Variants in STARD13 observed in about 807,000 individuals in gnomAD.
STARD13 encodes StAR related lipid transfer domain containing 13.
A neutral mutation model predicts 106.4 loss-of-function variants in STARD13; 62 were observed. The observed-to-expected ratio is 0.58, with a 90% CI of 0.48 to 0.72. The LOEUF (loss-of-function observed/expected upper bound fraction) is 0.72, where lower values mean the gene tolerates loss of function less well. Among genes scored for constraint, STARD13 ranks in the 30% least tolerant of loss-of-function variants. The probability of loss-of-function intolerance (pLI) is 0.00; values close to 1 mark genes in which losing one functional copy is unlikely to be tolerated. For missense variants in STARD13, 1,387 were observed against 1,424.0 expected, an observed-to-expected ratio of 0.97 and a Z score of 0.42; for synonymous variants, 565 against 553.0, an observed-to-expected ratio of 1.02 and a Z score of -0.31.
the STARD13 span, among the ~76,000 whole-genome samples, chr13:33,418,777 A>G: frequency 6.6e-6 from 1 of 152,232 alleles, no homozygotes. Flanking sequence ...CTCTTCTGCA[A>G]TATTTGCTGT....
chr13:33,141,316 G>A (rs572696715), intron 4 of STARD13, among the ~76,000 whole-genome samples: 19 of 152,210 alleles, frequency 1.2e-4, no homozygotes, highest in Non-Finnish European at 2.5e-4. Flanking sequence ...CAATGACCTA[G>A]CCTGTTCAAG....
chr13:33,223,874 T>G (rs1328031314), intron 1 of STARD13, among the ~76,000 whole-genome samples: 1 of 152,182 alleles, frequency 6.6e-6, no homozygotes, highest in African/African-American at 2.4e-5. Flanking sequence ...AGTTCACACA[T>G]GTAAGCACTT....
chr13:33,478,323 C>T, the STARD13 span, among the ~76,000 whole-genome samples: 2 of 152,158 alleles, frequency 1.3e-5, no homozygotes, highest in Admixed American at 6.5e-5. Context: ...TATTGTTTTT[C>T]CTGATACCTG....
the STARD13 span, among the ~76,000 whole-genome samples, chr13:33,379,574 C>A: frequency 1.3e-5 from 2 of 152,124 alleles, no homozygotes; most frequent in African/African-American, 2.4e-5. Context: ...ACTGGGAAGG[C>A]ATGAGAAAGA....
At chr13:33,215,156 G>A (rs1887969284) in intron 1 of STARD13, among the ~76,000 whole-genome samples, 1 of 149,770 alleles carries the variant, frequency 6.7e-6, no homozygotes, top group South Asian at 2.1e-4. Flanking sequence ...ACCTCTCACT[G>A]AGCCTGCTAG....
chr13:33,257,298 G>C (rs1890412619), intron 1 of STARD13, among the ~76,000 whole-genome samples: 1 of 152,194 alleles, frequency 6.6e-6, no homozygotes, highest in Non-Finnish European at 1.5e-5. Context: ...AAGGACATCA[G>C]TAAAAATAGT....
In STARD13 at chr13:33,130,052, G is replaced by C. The variant is rs768133626; in HGVS notation, c.625C>G (p.Arg209Gly). 6.2e-7 allele frequency: 1 copy of C among 1,613,710 alleles called. No homozygotes were observed. The highest frequency in any genetic ancestry group is 1.3e-5 in the African/African-American group (1 of 75,034). Reference protein sequence around the residue: ...HSESSGGSDSRSQPGQCCTDN... With the variant: ...HSESSGGSDSGSQPGQCCTDN... Reference sequence around the variant, plus strand: ...GTACAGCACTGGCCCGGCTGGCTGCGACTGTCGCTGCCTCCACTGCTTTCG... The same window carrying C: ...GTACAGCACTGGCCCGGCTGGCTGCCACTGTCGCTGCCTCCACTGCTTTCG... The change falls in exon 5 of 14, where the codon CGC (arginine) becomes GGC (glycine). Residue 209 changes from arginine to glycine, a missense_variant. By Grantham distance (125) the Arg-to-Gly change is moderately radical. Transcript: ENST00000336934. This position sits in a 1 kb window ranked among gnomAD's most constrained non-coding sequence, Gnocchi z 4.1.
chr13:33,528,231 T>TATATATATATAC, the STARD13 span, among the ~76,000 whole-genome samples: 39 of 130,698 alleles, frequency 3.0e-4, no homozygotes, highest in African/African-American at 1.3e-3. Context: ...TGTGTGTATA[T>TATATATATATAC]ATATATATAT....
chr13:33,289,089 A>G (rs1892188951), upstream of STARD13, among the ~76,000 whole-genome samples: 2 of 152,178 alleles, frequency 1.3e-5, no homozygotes, highest in Non-Finnish European at 2.9e-5. Flanking sequence ...CAGTGAGTGC[A>G]TGAAGTCCTA....
chr13:33,557,250 G>T, the STARD13 span, among the ~76,000 whole-genome samples: 4 of 151,472 alleles, frequency 2.6e-5, no homozygotes, highest in African/African-American at 9.7e-5. Flanking sequence ...ATAATGTGTT[G>T]CTTTTGTTTC....
the STARD13 span, among the ~76,000 whole-genome samples, chr13:33,501,581 C>A: frequency 6.6e-6 from 1 of 152,114 alleles, no homozygotes; most frequent in Non-Finnish European, 1.5e-5. Context: ...AGGAAGGGAT[C>A]CAGTTTTAGC....
the STARD13 span, among the ~76,000 whole-genome samples, chr13:33,623,431 A>T: frequency 9.4e-6 from 1 of 106,198 alleles, no homozygotes; most frequent in Admixed American, 9.3e-5. Context: ...AATAAAGTAA[A>T]AAAAAAAAAA....
chr13:33,495,342 T>C, the STARD13 span, among the ~76,000 whole-genome samples: 6 of 152,320 alleles, frequency 3.9e-5, no homozygotes, highest in East Asian at 9.6e-4. Context: ...ATTTTGAACT[T>C]GTCTTTTACA....
chr13:33,479,645 G>A, the STARD13 span, among the ~76,000 whole-genome samples: 6 of 152,172 alleles, frequency 3.9e-5, no homozygotes, highest in Admixed American at 1.3e-4. Flanking sequence ...ATGTGTCCTC[G>A]CCCAGATCTC....
intron 12 of STARD13, among the ~76,000 whole-genome samples, chr13:33,109,567 C>A (rs1874223001): frequency 6.6e-6 from 1 of 152,204 alleles, no homozygotes; most frequent in Non-Finnish European, 1.5e-5. Context: ...TGCAACCGGA[C>A]AAACAGCAGC....
chr13:33,198,652 C>T (rs1293953648), intron 1 of STARD13, among the ~76,000 whole-genome samples: 1 of 152,050 alleles, frequency 6.6e-6, no homozygotes, highest in Non-Finnish European at 1.5e-5. Context: ...CTGTCTTCTC[C>T]ACAAGAGCAT....
chr13:33,215,126 G>GC (rs1887961957), intron 1 of STARD13, among the ~76,000 whole-genome samples: 1 of 123,904 alleles, frequency 8.1e-6, no homozygotes, highest in Admixed American at 9.0e-5. Context: ...ACTTGGGGGG[G>GC]GGGGTGGGGG....
At chr13:33,106,459 G>T (rs769478798) in intron 13 of STARD13, among the ~76,000 whole-genome samples, 4 of 152,150 alleles carry the variant, frequency 2.6e-5, no homozygotes, top group Non-Finnish European at 4.4e-5. Context: ...GATTTACTGA[G>T]TACCTACTAT....
At chr13:33,237,083 T>C (rs2138232178) in intron 1 of STARD13, among the ~76,000 whole-genome samples, 1 of 152,306 alleles carries the variant, frequency 6.6e-6, no homozygotes, top group Middle Eastern at 3.4e-3. Flanking sequence ...TAACTTTTTC[T>C]CTTTTCTTCC....
Sources: gnomAD v4.1 joint callset for allele counts (sites outside exome capture counted in the v4.1 genomes callset) on GRCh38, gnomAD v4.1.1 for gene constraint, Gnocchi (gnomAD v3.1) non-coding constraint, MANE v1.5 for transcripts, NCBI Gene and HGNC (gene_info 2026-07-23, HGNC 2026-07-21) for gene names.